Variants in GRM2 observed in about 807,000 individuals in gnomAD.
GRM2 encodes metabotropic glutamate receptor 2.
GRM2 carries 35 observed loss-of-function variants against 60.4 expected under a neutral mutation model. The observed-to-expected ratio is 0.58, with a 90% CI of 0.44 to 0.77. GRM2 has a LOEUF of 0.77. GRM2 is among the 30% of genes least tolerant of loss of function. GRM2 has a pLI of 0.00. For synonymous variants in GRM2, 437 were observed against 484.1 expected (o/e 0.90, Z 1.28); for missense variants, 925 against 1,199.5 (o/e 0.77, Z 3.38).
rs200511797 is a variant in GRM2, at chr3:51,713,211, C to T, written c.1189C>T (p.Arg397Cys). The T allele has an allele frequency of 8.1e-5, 131 of 1,613,036 alleles. No individual in the cohort carries two copies. Among genetic ancestry groups the T allele is most frequent in the Non-Finnish European group, 1.1e-4 (126 of 1,180,024 alleles). Reference sequence around the variant, plus strand: ...GGCCCATGCGCTCCACAACATGCACCGTGCCCTCTGCCCCAACACCACCCG... The same window carrying T: ...GGCCCATGCGCTCCACAACATGCACTGTGCCCTCTGCCCCAACACCACCCG... ...AMAHALHNMH[R>C]ALCPNTTRLC... Residue 397 changes from arginine to cysteine, a missense_variant, in exon 3 of 6, where the codon CGT (arginine) becomes TGT (cysteine). Physicochemically the swap from Arg to Cys is radical, Grantham distance 180. Transcript: ENST00000395052. This position sits in a 1 kb window ranked among gnomAD's most constrained non-coding sequence, Gnocchi z 4.8.
At chr3:51,709,737 G>A (rs1459596835) in intron 2 of GRM2, among the ~76,000 whole-genome samples, 2 of 84 alleles carry the variant, frequency 0.024, no homozygotes, top group African/African-American at 0.14. Context: ...ACACACACCC[G>A]ACACACCCAC....
chr3:51,709,843 TCACA>T (rs1254062964), intron 2 of GRM2, among the ~76,000 whole-genome samples: 5 of 25,622 alleles, frequency 2.0e-4, no homozygotes, highest in African/African-American at 9.4e-4. Flanking sequence ...ACACACACCC[TCACA>T]CACACACACA....
In GRM2 at chr3:51,717,390, T is replaced by G. The variant is rs1462082137; in HGVS notation, c.2365-247T>G. ...CAGCCCCCAGATGCACACACCCCTG[T>G]GTATACATGCCCCCCTGCATGTTCT... On this transcript the variant is annotated intron_variant, in intron 4 of 5. Transcript: ENST00000395052. The surrounding 1 kb of genome is among the most constrained non-coding windows in gnomAD (Gnocchi z 6.0). Among the ~76,000 whole-genome samples the G allele has an allele frequency of 6.6e-6, 1 of 152,122 alleles. No individual in the cohort carries two copies. The highest frequency in any genetic ancestry group is 1.5e-5 in the Non-Finnish European group (1 of 68,018).
At position 51,718,045 on chromosome 3, in the gene GRM2, G is replaced by T; in HGVS notation, c.2552G>T (p.Gly851Val). The T allele has an allele frequency of 6.2e-7, 1 of 1,614,118 alleles. No individual in the cohort carries two copies. The highest frequency in any genetic ancestry group is 8.5e-7 in the Non-Finnish European group (1 of 1,179,980). ...RASSSLGQGSGSQFVPTVCNG... is the reference protein window; with the variant it reads ...RASSSLGQGSVSQFVPTVCNG... ...TCTGGCTTCCTTTTCTTAGGGTCTG[G>T]CTCCCAGTTTGTCCCCACTGTTTGC... is the stretch of plus-strand genomic sequence containing the variant. The change falls in exon 6 of 6, where the codon GGC (glycine) becomes GTC (valine). Residue 851 changes from glycine to valine, a missense_variant. Transcript: ENST00000395052. This position sits in a 1 kb window ranked among gnomAD's most constrained non-coding sequence, Gnocchi z 4.2.
In GRM2 at chr3:51,708,148, C is replaced by G. The variant is rs1703571542; in HGVS notation, c.-136-700C>G. The G allele has an allele frequency of 2.0e-5, 3 of 152,230 alleles. No homozygotes were observed. The South Asian group carries it at 6.2e-4, about 32-fold the overall frequency. The allele number at this position is 152,230 out of a possible 1,614,324, so 9.4% of individuals were successfully genotyped here. A position where few individuals can be genotyped will look rare whatever the true frequency, so the allele number is the denominator to read the frequency against. The stretch of plus-strand genomic sequence containing the variant: ...AGCCCCCAACCCTGACACACACATA[C>G]GTGAACATCTGCTTGCCCTGTTGAC... On this transcript the variant is annotated intron_variant, in intron 1 of 5. Coordinates refer to ENST00000395052, the MANE Select transcript of GRM2 (RefSeq NM_000839.5).
Position 51,715,299 on chromosome 3 carries a change from T to C in GRM2, c.1526T>C (p.Val509Ala). ...AGTGAGCCCTGCCTCCAGAATGAGGTGAAGAGTGTGCAGCCGGGCGAAGTC... is the reference window on the plus strand; with the variant it reads ...AGTGAGCCCTGCCTCCAGAATGAGGCGAAGAGTGTGCAGCCGGGCGAAGTC... The part of the protein sequence containing the change: ...RCSEPCLQNE[V>A]KSVQPGEVCC... Residue 509 changes from valine (V) to alanine (A), a missense_variant, in exon 4 of 6, where the codon GTG (valine) becomes GCG (alanine). Val to Ala is a moderately conservative substitution (Grantham distance 64, BLOSUM62 0). Transcript: ENST00000395052. The surrounding 1 kb of genome is among the most constrained non-coding windows in gnomAD (Gnocchi z 9.0). 1 of 1,612,522 alleles carries C rather than the reference T, an allele frequency of 6.2e-7. No individual in the cohort carries two copies. Among genetic ancestry groups the C allele is most frequent in the Non-Finnish European group, 8.5e-7 (1 of 1,179,168 alleles).
intron 2 of GRM2, among the ~76,000 whole-genome samples, chr3:51,710,654 T>C (rs1703681054): frequency 7.8e-6 from 1 of 128,232 alleles, no homozygotes; most frequent in Admixed American, 8.1e-5. Flanking sequence ...CACCAGAGAG[T>C]CTTCAGGGGG....
Position 51,713,399 on chromosome 3 carries a change from A to ATGG in GRM2, c.1288+89_1288+90insTGG. 1 of 952,316 alleles carries ATGG rather than the reference A, an allele frequency of 1.1e-6. No homozygotes were observed. Among genetic ancestry groups the ATGG allele is most frequent in the Non-Finnish European group, 1.6e-6 (1 of 632,036 alleles). The allele number at this position is 952,316 out of a possible 1,614,324, so 59.0% of individuals were successfully genotyped here. A position where few individuals can be genotyped will look rare whatever the true frequency, so the allele number is the denominator to read the frequency against. ...TCAGCTTCCATTCCTTTGCTAAGGA[A>ATGG]ACAGTAGAGTGAAAGTAAAGGACTC... On this transcript the variant is annotated intron_variant, in intron 3 of 5. Transcript: ENST00000395052. The surrounding 1 kb of genome is among the most constrained non-coding windows in gnomAD (Gnocchi z 4.8).
rs1222778688 is a variant in GRM2, at chr3:51,713,992, G to C, written c.1288+682G>C. The C allele has an allele frequency of 2.2e-6, 1 of 454,056 alleles. No individual in the cohort carries two copies. Among genetic ancestry groups the C allele is most frequent in the African/African-American group, 2.0e-5 (1 of 49,988 alleles). 28.1% of individuals were successfully genotyped at this position (454,056 alleles called of 1,614,324 possible). On this transcript the variant is annotated intron_variant, in intron 3 of 5. Transcript: ENST00000395052. The surrounding 1 kb of genome is among the most constrained non-coding windows in gnomAD (Gnocchi z 4.8). Reference sequence around the variant, plus strand: ...ACCTGAAAGTCTCCTGAAATCAAAAGTTATTTTAATAAGAGTGCCAGCTTT... The same window carrying C: ...ACCTGAAAGTCTCCTGAAATCAAAACTTATTTTAATAAGAGTGCCAGCTTT...
At chr3:51,707,798 C>G (rs889280437) in intron 1 of GRM2, 3 of 152,348 alleles carry the variant, frequency 2.0e-5, no homozygotes, top group Non-Finnish European at 4.4e-5. Context: ...ACTCAGTTTC[C>G]TTTCCTGTTC....
chr3:51,717,558 C>T lies in GRM2; in HGVS notation c.2365-79C>T. 8.7e-7 allele frequency: 1 copy of T among 1,152,860 alleles called. No homozygotes were observed. Among genetic ancestry groups the T allele is most frequent in the East Asian group, 2.4e-5 (1 of 42,272 alleles). 71.4% of individuals were successfully genotyped at this position (1,152,860 alleles called of 1,614,324 possible). On this transcript the variant is annotated intron_variant, in intron 4 of 5. Coordinates refer to ENST00000395052, the MANE Select transcript of GRM2 (RefSeq NM_000839.5). This position sits in a 1 kb window ranked among gnomAD's most constrained non-coding sequence, Gnocchi z 6.0. The stretch of plus-strand genomic sequence containing the variant: ...GGATGCTTAGTCTCCCCCACTCCCT[C>T]CCCCACAGATCAGGCAGGGGGTCCT...
chr3:51,711,987 C>T (rs985960940), intron 2 of GRM2, among the ~76,000 whole-genome samples: 1 of 152,214 alleles, frequency 6.6e-6, no homozygotes, highest in Non-Finnish European at 1.5e-5. Flanking sequence ...GGCCACCGGA[C>T]CCTGGGATCT....
rs999623539 is a variant in GRM2 at position 51,716,465 on chromosome 3, G to T, written c.2364+328G>T. ...CACTGAGGGGTCATCTGCAGAAGGG[G>T]TTGAGAGATGAAGCCAGGGAAGGCA... On this transcript the variant is annotated intron_variant, in intron 4 of 5. Coordinates refer to ENST00000395052, the MANE Select transcript of GRM2 (RefSeq NM_000839.5). The surrounding 1 kb of genome is among the most constrained non-coding windows in gnomAD (Gnocchi z 4.0). 3.3e-5 allele frequency among the ~76,000 whole-genome samples: 5 copies of T among 152,228 alleles called. No individual in the cohort carries two copies. The highest frequency in any genetic ancestry group is 7.3e-5 in the Non-Finnish European group (5 of 68,044).
At position 51,712,837 on chromosome 3, in the gene GRM2, C is replaced by G; in HGVS notation, c.815C>G (p.Ser272Cys). The G allele has an allele frequency of 6.2e-7, 1 of 1,612,948 alleles. No individual in the cohort carries two copies. Residue 272 changes from serine to cysteine, a missense_variant, in exon 3 of 6, where the codon TCT becomes TGT. Ser to Cys is a moderately radical substitution (Grantham distance 112, BLOSUM62 -1). Transcript: ENST00000395052. The surrounding 1 kb of genome is among the most constrained non-coding windows in gnomAD (Gnocchi z 5.3). The part of the protein sequence containing the change: ...SARVAVLFTR[S>C]EDARELLAAS... ...CGCGTGGCTGTCCTGTTCACCCGTT[C>G]TGAGGATGCCCGGGAGCTGCTTGCT...
In GRM2 at chr3:51,709,226, C is replaced by T. The variant is rs1559691333; in HGVS notation, c.243C>T (p.Gly81=). ...RINRDPHLLP[G]VRLGAHILDS... ...ACCGTGACCCGCACCTGCTGCCTGG[C>T]GTGCGCCTGGGTGCACACATCCTCG... Residue 81 remains glycine (G), a synonymous_variant, in exon 2 of 6, where the codon GGC becomes GGT. Coordinates refer to ENST00000395052, the MANE Select transcript of GRM2 (RefSeq NM_000839.5). 6.2e-7 allele frequency: 1 copy of T among 1,608,746 alleles called. No individual in the cohort carries two copies.
At position 51,712,039 on chromosome 3, in the gene GRM2, C is replaced by A. The variant is rs570527614; in HGVS notation, c.451-434C>A. Among the ~76,000 whole-genome samples, 1 of 152,326 alleles carries A rather than the reference C, an allele frequency of 6.6e-6. No individual in the cohort carries two copies. The highest frequency in any genetic ancestry group is 6.5e-5 in the Admixed American group (1 of 15,306). On this transcript the variant is annotated intron_variant, in intron 2 of 5. Transcript: ENST00000395052. The surrounding 1 kb of genome is among the most constrained non-coding windows in gnomAD (Gnocchi z 5.3). ...GGGAAACTTTTCCTTCTTTCTGTAT[C>A]ATTCCATCAGATTGATTCAGGGGAA...
At chr3:51,709,500 T>A in intron 2 of GRM2, 67 bp downstream of exon 2, 2 of 1,133,670 alleles carry the variant, frequency 1.8e-6, no homozygotes, top group Non-Finnish European at 2.5e-6. Context: ...GAATTCCTGC[T>A]GAAAAGGGGC....
At position 51,718,230 on chromosome 3, in the gene GRM2, G is replaced by A. The variant is rs1703974525; in HGVS notation, c.*118G>A. 3 of 862,836 alleles carry A rather than the reference G, an allele frequency of 3.5e-6. No individual in the cohort carries two copies. The highest frequency in any genetic ancestry group is 5.9e-6 in the Non-Finnish European group (3 of 504,248). The allele number at this position is 862,836 out of a possible 1,614,324, so 53.4% of individuals were successfully genotyped here. On this transcript the variant is annotated 3_prime_UTR_variant, in exon 6 of 6. Transcript: ENST00000395052. This position sits in a 1 kb window ranked among gnomAD's most constrained non-coding sequence, Gnocchi z 4.2. ...ATAATTTATTACCCACCCTATGTCT[G>A]CCCCCAAAGTCACTTACCCACCTCC... is the stretch of plus-strand genomic sequence containing the variant.
rs954160750 is a variant in GRM2 at position 51,712,419 on chromosome 3, G to T, written c.451-54G>T. 8.4e-7 allele frequency: 1 copy of T among 1,185,620 alleles called. No homozygotes were observed. The highest frequency in any genetic ancestry group is 1.5e-5 in the African/African-American group (1 of 66,826). The allele number at this position is 1,185,620 out of a possible 1,614,324, so 73.4% of individuals were successfully genotyped here. ...CCTGCTAGCTGTGGGGGATGCACCT[G>T]TCTCTAGTGTTTGATCTGACCGCTG... On this transcript the variant is annotated intron_variant, in intron 2 of 5. Coordinates refer to ENST00000395052, the MANE Select transcript of GRM2 (RefSeq NM_000839.5). The surrounding 1 kb of genome is among the most constrained non-coding windows in gnomAD (Gnocchi z 5.3).
Sources: gnomAD v4.1 joint callset for allele counts (sites outside exome capture counted in the v4.1 genomes callset) on GRCh38, gnomAD v4.1.1 for gene constraint, Gnocchi (gnomAD v3.1) non-coding constraint, MANE v1.5 for transcripts, NCBI Gene and HGNC (gene_info 2026-07-23, HGNC 2026-07-21) for gene names.